Variants in PTCHD4 observed in about 807,000 individuals in gnomAD.
PTCHD4 encodes the protein patched domain-containing protein 4.
Under a neutral mutation model 58.1 loss-of-function variants are expected in PTCHD4, and 33 were observed. That is an observed-to-expected ratio of 0.57 (90% CI 0.43 to 0.76). PTCHD4 has a LOEUF of 0.76. PTCHD4 is among the 30% of genes least tolerant of loss of function. The probability of loss-of-function intolerance (pLI) is 0.00; values close to 1 mark genes in which losing one functional copy is unlikely to be tolerated. For missense variants in PTCHD4, 1,058 were observed against 1,027.1 expected (o/e 1.03, Z -0.41); for synonymous variants, 478 against 409.6 (o/e 1.17, Z -2.02).
rs113749085 is a variant in PTCHD4, at chr6:47,907,905, C to G, written c.899-27969G>C. 1.8e-3 allele frequency among the ~76,000 whole-genome samples: 267 copies of G among 152,170 alleles called. 1 individual carries two copies. The highest frequency in any genetic ancestry group is 6.0e-3 in the African/African-American group (248 of 41,518). ...TACTTCCACCTCAAGCTATGTTTCT[C>G]CCTCTATCAATTAGTTAGAAGGGGA... is the stretch of plus-strand genomic sequence containing the variant. On this transcript the variant is annotated intron_variant, in intron 4 of 4. Coordinates refer to ENST00000339488, the MANE Select transcript of PTCHD4 (RefSeq NM_001384253.1).
At chr6:48,049,109 C>T (rs958692709) in intron 3 of PTCHD4, among the ~76,000 whole-genome samples, 2 of 151,942 alleles carry the variant, frequency 1.3e-5, no homozygotes, top group Non-Finnish European at 2.9e-5. Context: ...CAGTGGTTCT[C>T]AACAGGAGGC....
At chr6:47,951,273 G>A (rs1380110341) in intron 4 of PTCHD4, among the ~76,000 whole-genome samples, 2 of 152,126 alleles carry the variant, frequency 1.3e-5, no homozygotes, top group East Asian at 3.9e-4. Context: ...TTAGTATATA[G>A]GGAGACTTTA....
intron 4 of PTCHD4, among the ~76,000 whole-genome samples, chr6:48,004,532 A>G (rs555059596): frequency 6.6e-6 from 1 of 152,366 alleles, no homozygotes; most frequent in African/African-American, 2.4e-5. Context: ...ACAATGAGTT[A>G]TAAATTAAAT....
At chr6:47,898,169 A>C (rs974426131) in intron 4 of PTCHD4, among the ~76,000 whole-genome samples, 36 of 151,590 alleles carry the variant, frequency 2.4e-4, no homozygotes, top group African/African-American at 8.7e-4. Flanking sequence ...TGGTCTCGAT[A>C]TCCTGACCTC....
At chr6:47,972,536 C>T (rs993747029) in intron 4 of PTCHD4, among the ~76,000 whole-genome samples, 6 of 151,988 alleles carry the variant, frequency 3.9e-5, no homozygotes, top group African/African-American at 1.2e-4. Flanking sequence ...AAATGGATAG[C>T]CCTCAAATTT....
intron 1 of PTCHD4, among the ~76,000 whole-genome samples, chr6:48,103,844 G>T (rs922460435): frequency 1.3e-5 from 2 of 152,152 alleles, no homozygotes; most frequent in African/African-American, 4.8e-5. Flanking sequence ...TGGAAGAAAG[G>T]GTATCAGCGA....
At chr6:48,017,309 G>T (rs1008139908) in intron 3 of PTCHD4, among the ~76,000 whole-genome samples, 5 of 151,988 alleles carry the variant, frequency 3.3e-5, no homozygotes, top group Non-Finnish European at 5.9e-5. Flanking sequence ...TTTTTTAAAA[G>T]AAGAATCAAA....
In PTCHD4 at chr6:48,077,759, G is replaced by A. The variant is rs118127521; in HGVS notation, c.-969-7833C>T. On this transcript the variant is annotated intron_variant, in intron 1 of 4. Transcript: ENST00000339488. ...GTATCTCAGGGGAATAGGCAGACTT[G>A]ATGAGAGAGAGAGAGATGAAGGAGC... Among the ~76,000 whole-genome samples the A allele has an allele frequency of 1.8e-4, 27 of 152,266 alleles. No homozygotes were observed. The East Asian group carries it at 5.0e-3, about 28-fold the overall frequency.
chr6:47,946,459 A>G (rs1446425541), intron 4 of PTCHD4, among the ~76,000 whole-genome samples: 2 of 152,108 alleles, frequency 1.3e-5, no homozygotes, highest in Non-Finnish European at 1.5e-5. Context: ...TCTCTTAGTA[A>G]AGGCTTTGCC....
chr6:47,915,160 A>T (rs1477229963), intron 4 of PTCHD4, among the ~76,000 whole-genome samples: 2 of 152,164 alleles, frequency 1.3e-5, no homozygotes, highest in East Asian at 3.9e-4. Flanking sequence ...TAAAAAGTAA[A>T]GCCATAAAAA....
intron 4 of PTCHD4, among the ~76,000 whole-genome samples, chr6:47,884,634 C>G (rs992002616): frequency 3.9e-5 from 6 of 152,144 alleles, no homozygotes; most frequent in Non-Finnish European, 7.3e-5. Flanking sequence ...TGAGTCTGTC[C>G]CATTTTCCCA....
At chr6:48,101,877 C>G (rs185400996) in intron 1 of PTCHD4, among the ~76,000 whole-genome samples, 1 of 152,060 alleles carries the variant, frequency 6.6e-6, no homozygotes, top group Non-Finnish European at 1.5e-5. Flanking sequence ...TTAGCTGGTG[C>G]GGTTGGATGA....
intron 4 of PTCHD4, among the ~76,000 whole-genome samples, chr6:47,912,238 C>A (rs77334284): frequency 0.077 from 11,693 of 152,142 alleles, 572 homozygotes; most frequent in Middle Eastern, 0.11. Context: ...ACAATAGACA[C>A]CTTCTTGATC....
intron 3 of PTCHD4, among the ~76,000 whole-genome samples, chr6:48,067,650 T>C (rs1764845256): frequency 6.6e-6 from 1 of 152,142 alleles, no homozygotes; most frequent in South Asian, 2.1e-4. Flanking sequence ...AATAGGTGGA[T>C]ATGACACCAG....
intron 4 of PTCHD4, among the ~76,000 whole-genome samples, chr6:47,957,404 C>G (rs1245274683): frequency 6.7e-6 from 1 of 150,288 alleles, no homozygotes; most frequent in Non-Finnish European, 1.5e-5. Flanking sequence ...TTCAGAAATA[C>G]TATTTGCTAA....
rs140869295 is a variant in PTCHD4 at position 47,876,266 on chromosome 6, C to G, written c.*2037G>C. 1.3e-5 allele frequency among the ~76,000 whole-genome samples: 2 copies of G among 151,858 alleles called. No individual in the cohort carries two copies. The highest frequency in any genetic ancestry group is 2.9e-5 in the Non-Finnish European group (2 of 67,840). On this transcript the variant is annotated 3_prime_UTR_variant, in exon 5 of 5. Transcript: ENST00000339488. ...TTACAAATAATGTAAAAACAATAAC[C>G]CTATGATTATGGGCAATAATTTTCC...
intron 1 of PTCHD4, among the ~76,000 whole-genome samples, chr6:48,096,967 A>G (rs912021958): frequency 1.3e-5 from 2 of 152,162 alleles, no homozygotes; most frequent in African/African-American, 4.8e-5. Context: ...ACCAAAAATG[A>G]CCATAATTTT....
Position 47,878,221 on chromosome 6 carries a change from A to G in PTCHD4, c.*82T>C. The G allele has an allele frequency of 7.5e-7, 1 of 1,334,210 alleles. No homozygotes were observed. The allele number at this position is 1,334,210 out of a possible 1,614,324, so 82.6% of individuals were successfully genotyped here. On this transcript the variant is annotated 3_prime_UTR_variant, in exon 5 of 5. Transcript: ENST00000339488. ...TTGCCTTGTTACCCCTGGCCAGCCC[A>G]AGCAGCTGAGGTCTGAGCTTTACTT...
rs951911849 is a variant in PTCHD4 at position 47,890,849 on chromosome 6, A to C, written c.899-10913T>G. The C allele has an allele frequency of 4.2e-5, 41 of 969,770 alleles. No homozygotes were observed. The African/African-American group carries it at 7.2e-4, about 17-fold the overall frequency. 60.1% of individuals were successfully genotyped at this position (969,770 alleles called of 1,614,324 possible). On this transcript the variant is annotated intron_variant, in intron 4 of 4. Transcript: ENST00000339488. The stretch of plus-strand genomic sequence containing the variant: ...TTCCTGCTCTCTCTCTTTCCCTGCT[A>C]AATAGCCACTATCAGGAAGTTTTCA...
Sources: gnomAD v4.1 joint callset for allele counts (sites outside exome capture counted in the v4.1 genomes callset) on GRCh38, gnomAD v4.1.1 for gene constraint, MANE v1.5 for transcripts, NCBI Gene and HGNC (gene_info 2026-07-23, HGNC 2026-07-21) for gene names.